LDB2: variants seen among roughly 807,000 people sequenced by gnomAD.
LDB2 encodes LIM domain binding 2, also known as LIM domain-binding protein 2.
In LDB2, 12 loss-of-function variants were observed where a neutral mutation model predicts 44.3. That is an observed-to-expected ratio of 0.27 (90% CI 0.17 to 0.44). The LOEUF (loss-of-function observed/expected upper bound fraction) is 0.44. Ranked by LOEUF, LDB2 falls within the 20% of genes least tolerant of loss-of-function variation. The pLI is 1.00. For missense variants in LDB2, 344 were observed against 473.5 expected, an observed-to-expected ratio of 0.73 and a Z score of 2.54; for synonymous variants, 164 against 174.8, an observed-to-expected ratio of 0.94 and a Z score of 0.49.
At chr4:16,547,906 T>C (rs1736309067) in intron 5 of LDB2, among the ~76,000 whole-genome samples, 1 of 152,162 alleles carries the variant, frequency 6.6e-6, no homozygotes, top group Admixed American at 6.5e-5. Flanking sequence ...TTAAATAAAT[T>C]TAAAAATTTA....
intron 2 of LDB2, among the ~76,000 whole-genome samples, chr4:16,711,260 A>G (rs931091835): frequency 6.6e-6 from 1 of 152,244 alleles, no homozygotes; most frequent in African/African-American, 2.4e-5. Flanking sequence ...TTTAGGGAAG[A>G]ATCACGGCAT....
At chr4:16,897,076 C>T (rs1486514352) in intron 1 of LDB2, among the ~76,000 whole-genome samples, 1 of 152,146 alleles carries the variant, frequency 6.6e-6, no homozygotes, top group Admixed American at 6.5e-5. Context: ...AGTCCTTGTC[C>T]AGCAGTTAGC....
At chr4:16,608,362 T>C (rs905822123) in intron 2 of LDB2, among the ~76,000 whole-genome samples, 33 of 152,172 alleles carry the variant, frequency 2.2e-4, no homozygotes, top group African/African-American at 7.2e-4. Flanking sequence ...TTCTGACCCT[T>C]GGATTGTCTA....
At position 16,521,186 on chromosome 4, in the gene LDB2, G is replaced by T. The variant is rs913403833; in HGVS notation, c.616-9082C>A. Among the ~76,000 whole-genome samples the T allele has an allele frequency of 7.4e-4, 113 of 152,170 alleles. 4 individuals are homozygous for T. Among genetic ancestry groups the T allele is most frequent in the Non-Finnish European group, 1.4e-3 (95 of 68,044 alleles). ...CAGACTGGGTGGCTTAAAACAACAG[G>T]AATGTATGCTGTCTGTTCTGGAGGC... On this transcript the variant is annotated intron_variant, in intron 5 of 7. Coordinates refer to ENST00000304523, the MANE Select transcript of LDB2 (RefSeq NM_001290.5).
intron 2 of LDB2, among the ~76,000 whole-genome samples, chr4:16,619,058 G>A (rs1728157150): frequency 6.6e-6 from 1 of 152,156 alleles, no homozygotes; most frequent in Admixed American, 6.5e-5. Flanking sequence ...TTCCTGTACA[G>A]CTTGCTGAAC....
At position 16,641,270 on chromosome 4, in the gene LDB2, A is replaced by G. The variant is rs186786048; in HGVS notation, c.236-45395T>C. On this transcript the variant is annotated intron_variant, in intron 2 of 7. Transcript: ENST00000304523. ...TTTCACATAAAGGAGCTTACCTTTT[A>G]TTATCTACAAGAGGAACAGGAAATG... 1.1e-4 allele frequency among the ~76,000 whole-genome samples: 17 copies of G among 152,314 alleles called. No homozygotes were observed. The East Asian group carries it at 3.3e-3, about 29-fold the overall frequency.
Position 16,710,343 on chromosome 4 carries a change from T to G in LDB2, c.235+48815A>C, listed in dbSNP as rs16893848. ...GTCTGAAAAATACTAGAAAAATGCC[T>G]TGTTTGACAGTCAAATCAACCGACA... On this transcript the variant is annotated intron_variant, in intron 2 of 7. Transcript: ENST00000304523. Among the ~76,000 whole-genome samples, 89 of 152,316 alleles carry G rather than the reference T, an allele frequency of 5.8e-4. 2 individuals are homozygous for G. In the East Asian group the frequency reaches 0.012, roughly 20 times the overall value.
At chr4:16,571,453 C>T (rs377096037) in intron 5 of LDB2, among the ~76,000 whole-genome samples, 1 of 138,166 alleles carries the variant, frequency 7.2e-6, no homozygotes, top group African/African-American at 2.8e-5. Flanking sequence ...GGCAATTCGG[C>T]AAAAAAAAAA....
intron 5 of LDB2, among the ~76,000 whole-genome samples, chr4:16,554,618 T>C (rs1365204247): frequency 2.0e-5 from 3 of 152,188 alleles, no homozygotes; most frequent in Admixed American, 2.0e-4. Context: ...GATCAAGCCA[T>C]GGAAAGACAC....
intron 5 of LDB2, among the ~76,000 whole-genome samples, chr4:16,557,138 C>T (rs1031170283): frequency 3.3e-5 from 5 of 152,166 alleles, no homozygotes; most frequent in Non-Finnish European, 5.9e-5. Flanking sequence ...TAGCTCCCAG[C>T]GTGAGCGACG....
chr4:16,520,347 A>T (rs910022518), intron 5 of LDB2, among the ~76,000 whole-genome samples: 1 of 152,196 alleles, frequency 6.6e-6, no homozygotes, highest in African/African-American at 2.4e-5. Context: ...GCAGATAAGA[A>T]TGAATAACAG....
chr4:16,550,287 A>G lies in LDB2; in HGVS notation c.615+35635T>C, dbSNP rs143429413. Among the ~76,000 whole-genome samples, 790 of 152,228 alleles carry G rather than the reference A, an allele frequency of 5.2e-3. 14 individuals are homozygous for G. The highest frequency in any genetic ancestry group is 0.024 in the Middle Eastern group (7 of 294). ...CCCCATCTCTGCAGTTTCCTTCCCT[A>G]TACCCAATAAATCATTGTGTTTTCT... On this transcript the variant is annotated intron_variant, in intron 5 of 7. Coordinates refer to ENST00000304523, the MANE Select transcript of LDB2 (RefSeq NM_001290.5).
At chr4:16,792,950 G>C (rs1035789087) in intron 1 of LDB2, among the ~76,000 whole-genome samples, 4 of 152,164 alleles carry the variant, frequency 2.6e-5, no homozygotes, top group African/African-American at 9.7e-5. Flanking sequence ...TGTTGAGCAA[G>C]TTCAACAATC....
At chr4:16,816,959 A>G in intron 1 of LDB2, among the ~76,000 whole-genome samples, 1 of 151,804 alleles carries the variant, frequency 6.6e-6, no homozygotes, top group East Asian at 1.9e-4. Context: ...TGCGCCCTGT[A>G]CTTATATCTG....
At chr4:16,801,817 G>C (rs1228978720) in intron 1 of LDB2, among the ~76,000 whole-genome samples, 1 of 152,066 alleles carries the variant, frequency 6.6e-6, no homozygotes, top group Non-Finnish European at 1.5e-5. Flanking sequence ...CCCATACCTG[G>C]AGAAAAGCCA....
chr4:16,626,581 A>C (rs562992433), intron 2 of LDB2, among the ~76,000 whole-genome samples: 1 of 152,310 alleles, frequency 6.6e-6, no homozygotes, highest in East Asian at 1.9e-4. Context: ...TACAACTTGC[A>C]CTTATTTCCA....
intron 1 of LDB2, among the ~76,000 whole-genome samples, chr4:16,788,362 G>A (rs1417347488): frequency 1.3e-5 from 2 of 152,182 alleles, no homozygotes; most frequent in Non-Finnish European, 2.9e-5. Context: ...TCTGCATCAA[G>A]CTTCCCCACC....
At chr4:16,525,961 C>G (rs1006503415) in intron 5 of LDB2, among the ~76,000 whole-genome samples, 1 of 152,136 alleles carries the variant, frequency 6.6e-6, no homozygotes, top group Non-Finnish European at 1.5e-5. Flanking sequence ...ATCAACTGCC[C>G]TTGAGATCCA....
At chr4:16,835,726 A>G (rs1784791378) in intron 1 of LDB2, among the ~76,000 whole-genome samples, 1 of 152,236 alleles carries the variant, frequency 6.6e-6, no homozygotes, top group African/African-American at 2.4e-5. Flanking sequence ...CCAATTAATG[A>G]GAGTCCTAAT....
Sources: allele counts gnomAD v4.1 joint callset (sites outside exome capture counted in the v4.1 genomes callset), GRCh38; gene constraint gnomAD v4.1.1; transcripts MANE v1.5; gene names NCBI Gene and HGNC (gene_info 2026-07-23, HGNC 2026-07-21).